MSH4: variants seen among roughly 807,000 people sequenced by gnomAD.
MSH4 encodes mutS homolog 4, also known as mutS protein homolog 4.
In MSH4, 106 loss-of-function variants were observed where a neutral mutation model predicts 113.7. That is an observed-to-expected ratio of 0.93 (90% confidence interval 0.80 to 1.10). MSH4 has a LOEUF of 1.10. Among genes scored for constraint, MSH4 ranks in the 50% least tolerant of loss-of-function variants. The probability of loss-of-function intolerance (pLI) is 0.00; values close to 1 mark genes in which losing one functional copy is unlikely to be tolerated. For synonymous variants in MSH4, 368 were observed against 380.2 expected, an observed-to-expected ratio of 0.97 and a Z score of 0.37; for missense variants, 1,061 against 1,093.7, an observed-to-expected ratio of 0.97 and a Z score of 0.42.
chr1:75,830,488 T>C (rs900527938), intron 7 of MSH4, among the ~76,000 whole-genome samples: 3 of 151,982 alleles, frequency 2.0e-5, no homozygotes, highest in Admixed American at 1.3e-4. Context: ...CACATAATTG[T>C]CAGATTCACC....
rs766131917 is a variant in MSH4, at chr1:75,803,725, A to G, written c.245-6A>G. On this transcript the variant is annotated splice_polypyrimidine_tract_variant and splice_region_variant and intron_variant, in intron 1 of 19. Transcript: ENST00000263187. ...TAAGAATTGACTGTTAATTTTTCAAATTTAGGTTCATACTTTGGAAACAAA... is the reference window on the plus strand; with the variant it reads ...TAAGAATTGACTGTTAATTTTTCAAGTTTAGGTTCATACTTTGGAAACAAA... The G allele has an allele frequency of 1.2e-5, 18 of 1,541,030 alleles. No individual in the cohort carries two copies. Among genetic ancestry groups the G allele is most frequent in the East Asian group, 2.4e-5 (1 of 42,236 alleles).
Position 75,797,023 on chromosome 1 carries a change from C to A in MSH4, c.38C>A (p.Ala13Asp). The change falls in exon 1 of 20, where the codon GCC becomes GAC. Residue 13 changes from alanine (A) to aspartate (D), a missense_variant. Coordinates refer to ENST00000263187, the MANE Select transcript of MSH4 (RefSeq NM_002440.4). ...RPEISSTSPS[A>D]PAVSPSSGET... is the part of the protein sequence containing the mutation. ...GAGATCTCATCAACCTCGCCTTCTGCCCCGGCGGTTTCCCCGTCGTCGGGA... is the reference window on the plus strand; with the variant it reads ...GAGATCTCATCAACCTCGCCTTCTGACCCGGCGGTTTCCCCGTCGTCGGGA... The A allele has an allele frequency of 6.2e-7, 1 of 1,614,124 alleles. No homozygotes were observed. The highest frequency in any genetic ancestry group is 1.1e-5 in the South Asian group (1 of 91,080).
At chr1:75,912,494 T>C (rs1384643464) in intron 19 of MSH4, among the ~76,000 whole-genome samples, 1 of 152,082 alleles carries the variant, frequency 6.6e-6, no homozygotes, top group Non-Finnish European at 1.5e-5. Flanking sequence ...GAATAAATTA[T>C]GTTCTTTCAA....
intron 10 of MSH4, 85 bp downstream of exon 10, chr1:75,877,085 C>A: frequency 1.2e-6 from 1 of 824,680 alleles, no homozygotes; most frequent in Non-Finnish European, 1.8e-6. Flanking sequence ...TAATTGTATT[C>A]TATGGAACAA....
rs537988626 is a variant in MSH4, at chr1:75,897,549, GT to G, written c.2356-356del. Among the ~76,000 whole-genome samples the G allele has an allele frequency of 6.6e-5, 10 of 152,128 alleles. No homozygotes were observed. In the East Asian group the frequency reaches 1.9e-3, roughly 29 times the overall value. On this transcript the variant is annotated intron_variant, in intron 17 of 19. Transcript: ENST00000263187. Reference sequence around the variant, plus strand: ...AAAATATTATTTTTTTTGCATGTGAGTTACCTTCCTAATAAATGATTACTTC... The same window carrying G: ...AAAATATTATTTTTTTTGCATGTGAGTACCTTCCTAATAAATGATTACTTC...
At chr1:75,847,198 C>T (rs1311179036) in intron 7 of MSH4, among the ~76,000 whole-genome samples, 1 of 152,200 alleles carries the variant, frequency 6.6e-6, no homozygotes, top group Admixed American at 6.5e-5. Context: ...AAGATCCTAC[C>T]TCTCAAGACA....
At chr1:75,818,220 C>T (rs2100516704) in intron 6 of MSH4, among the ~76,000 whole-genome samples, 1 of 152,302 alleles carries the variant, frequency 6.6e-6, no homozygotes, top group South Asian at 2.1e-4. Context: ...GAAAACCTTC[C>T]AGTGGCTCTC....
intron 8 of MSH4, among the ~76,000 whole-genome samples, chr1:75,856,500 G>A (rs939343095): frequency 7.2e-5 from 11 of 151,948 alleles, no homozygotes; most frequent in Non-Finnish European, 1.0e-4. Flanking sequence ...GTGTGTTCTC[G>A]TTGTTCAACT....
At chr1:75,875,669 T>C (rs1402860275) in intron 9 of MSH4, among the ~76,000 whole-genome samples, 1 of 152,266 alleles carries the variant, frequency 6.6e-6, no homozygotes, top group African/African-American at 2.4e-5. Flanking sequence ...TTAATCAAAA[T>C]ATAGCATTAT....
chr1:75,879,973 T>C, intron 12 of MSH4, 77 bp from the exon 13 acceptor site: 1 of 721,908 alleles, frequency 1.4e-6, no homozygotes, highest in Non-Finnish European at 2.4e-6. Context: ...TAAATACCCA[T>C]ATTTCTGTTG....
chr1:75,812,598 G>A (rs1650213277), intron 4 of MSH4, among the ~76,000 whole-genome samples: 1 of 152,150 alleles, frequency 6.6e-6, no homozygotes, highest in African/African-American at 2.4e-5. Context: ...GGAAGCTGAG[G>A]CAGGAGAATC....
rs959895856 is a variant in MSH4, at chr1:75,890,636, T to C, written c.2227-60T>C. ...AGAGACTGGGTTTCTCCTCATTTTTTCCTGTGATATTGACAGCTGTTTGGT... is the reference window on the plus strand; with the variant it reads ...AGAGACTGGGTTTCTCCTCATTTTTCCCTGTGATATTGACAGCTGTTTGGT... On this transcript the variant is annotated intron_variant, in intron 16 of 19. Coordinates refer to ENST00000263187, the MANE Select transcript of MSH4 (RefSeq NM_002440.4). 5.7e-6 allele frequency: 5 copies of C among 873,336 alleles called. No individual in the cohort carries two copies. The East Asian group carries it at 1.5e-4, about 26-fold the overall frequency. The allele number at this position is 873,336 out of a possible 1,614,324, so 54.1% of individuals were successfully genotyped here. A position where few individuals can be genotyped will look rare whatever the true frequency, so the allele number is the denominator to read the frequency against.
intron 8 of MSH4, among the ~76,000 whole-genome samples, chr1:75,856,694 A>T (rs1651325701): frequency 6.6e-6 from 1 of 152,166 alleles, no homozygotes; most frequent in South Asian, 2.1e-4. Flanking sequence ...TCACTGATGG[A>T]CATGTGAGTT....
chr1:75,881,936 C>A (rs1651943209), intron 14 of MSH4, among the ~76,000 whole-genome samples: 1 of 151,988 alleles, frequency 6.6e-6, no homozygotes, highest in South Asian at 2.1e-4. Flanking sequence ...AACCATACTC[C>A]AGTATGCAAA....
chr1:75,879,544 A>G (rs1033211999), intron 12 of MSH4, among the ~76,000 whole-genome samples: 4 of 152,168 alleles, frequency 2.6e-5, no homozygotes, highest in Non-Finnish European at 4.4e-5. Flanking sequence ...CTCCTTTACA[A>G]TATACCAGTT....
At chr1:75,825,431 T>C (rs1650525027) in intron 7 of MSH4, among the ~76,000 whole-genome samples, 1 of 152,194 alleles carries the variant, frequency 6.6e-6, no homozygotes, top group African/African-American at 2.4e-5. Flanking sequence ...TGACTTTCTC[T>C]CTTCCTATAT....
Position 75,913,138 on chromosome 1 carries a change from T to A in MSH4, c.*251T>A. The A allele has an allele frequency of 5.0e-6, 1 of 201,398 alleles. No individual in the cohort carries two copies. The highest frequency in any genetic ancestry group is 9.9e-6 in the Non-Finnish European group (1 of 101,476). The allele number at this position is 201,398 out of a possible 1,614,324, so 12.5% of individuals were successfully genotyped here. A position where few individuals can be genotyped will look rare whatever the true frequency, so the allele number is the denominator to read the frequency against. On this transcript the variant is annotated 3_prime_UTR_variant, in exon 20 of 20. Transcript: ENST00000263187. ...ATACACCACTTTTTTCTCACAAAAA[T>A]TCACATTATTAAGACCTAAGTTCAT...
chr1:75,846,928 CAG>C (rs1015680780), intron 7 of MSH4, among the ~76,000 whole-genome samples: 7 of 152,262 alleles, frequency 4.6e-5, no homozygotes, highest in African/African-American at 1.4e-4. Context: ...GCTGCTATAA[CAG>C]AATATCTGAG....
At chr1:75,881,711 G>C (rs1651936161) in intron 14 of MSH4, among the ~76,000 whole-genome samples, 1 of 151,968 alleles carries the variant, frequency 6.6e-6, no homozygotes, top group Admixed American at 6.6e-5. Context: ...GAAGCAGCGT[G>C]ATAAACGTTA....
Sources: gnomAD v4.1 joint callset for allele counts (sites outside exome capture counted in the v4.1 genomes callset) on GRCh38, gnomAD v4.1.1 for gene constraint, MANE v1.5 for transcripts, NCBI Gene and HGNC (gene_info 2026-07-23, HGNC 2026-07-21) for gene names.